CHL1: variants seen among roughly 807,000 people sequenced by gnomAD.
The protein encoded by CHL1 is cell adhesion molecule L1 like.
In CHL1, 96 loss-of-function variants were observed where a neutral mutation model predicts 141.9. The observed-to-expected ratio is 0.68, with a 90% confidence interval of 0.57 to 0.80. The LOEUF is 0.80. Among genes scored for constraint, CHL1 ranks in the 30% least tolerant of loss-of-function variants. The probability of loss-of-function intolerance (pLI) is 0.00; values close to 1 mark genes in which losing one functional copy is unlikely to be tolerated. For synonymous variants in CHL1, 613 were observed against 502.2 expected, an observed-to-expected ratio of 1.22 and a Z score of -2.95; for missense variants, 1,820 against 1,457.2, an observed-to-expected ratio of 1.25 and a Z score of -4.05.
At chr3:334,842 A>G (rs1354474177) in intron 5 of CHL1, among the ~76,000 whole-genome samples, 3 of 152,170 alleles carry the variant, frequency 2.0e-5, no homozygotes, top group Non-Finnish European at 4.4e-5. Context: ...TATCAGACAG[A>G]CTGTCATATC....
chr3:302,835 T>C (rs1277269015), intron 2 of CHL1, among the ~76,000 whole-genome samples: 1 of 152,208 alleles, frequency 6.6e-6, no homozygotes, highest in African/African-American at 2.4e-5. Context: ...ATGTTCTGAA[T>C]GGTATTGCCC....
At chr3:319,991 C>A (rs1192853747) in intron 3 of CHL1, 124 bp downstream of exon 3, 7 of 601,180 alleles carry the variant, frequency 1.2e-5, no homozygotes, top group Non-Finnish European at 1.7e-5. Context: ...CTTTAGCAAT[C>A]TGTCATGAGA....
chr3:361,504 T>C (rs374640715), intron 12 of CHL1, among the ~76,000 whole-genome samples, 195 bp from the exon 13 acceptor site: 1 of 152,066 alleles, frequency 6.6e-6, no homozygotes, highest in Admixed American at 6.6e-5. Context: ...GAATCTACAA[T>C]GAACTCAAAC....
intron 2 of CHL1, among the ~76,000 whole-genome samples, chr3:309,509 T>C: frequency 6.6e-6 from 1 of 151,164 alleles, no homozygotes; most frequent in East Asian, 1.9e-4. Context: ...CTCCTTCCTC[T>C]TCCTTCCTTC....
chr3:328,613 A>G (rs917395256), intron 5 of CHL1, among the ~76,000 whole-genome samples: 3 of 152,148 alleles, frequency 2.0e-5, no homozygotes, highest in Non-Finnish European at 4.4e-5. Flanking sequence ...GCCTTATAAG[A>G]TGAGAATTAA....
chr3:376,848 G>A (rs536920030), intron 15 of CHL1, among the ~76,000 whole-genome samples: 1 of 152,138 alleles, frequency 6.6e-6, no homozygotes, highest in South Asian at 2.1e-4. Flanking sequence ...AGGTAATATT[G>A]GTTGGCAAAT....
intron 15 of CHL1, among the ~76,000 whole-genome samples, chr3:368,439 G>A (rs1705186106): frequency 6.6e-6 from 1 of 151,980 alleles, no homozygotes; most frequent in South Asian, 2.1e-4. Flanking sequence ...ATGTTTGATG[G>A]GGTTGTTTGT....
chr3:221,185 A>G (rs1019976162), intron 1 of CHL1, among the ~76,000 whole-genome samples: 1 of 152,246 alleles, frequency 6.6e-6, no homozygotes, highest in Non-Finnish European at 1.5e-5. Flanking sequence ...TAAAATGGAT[A>G]AAACCAAGCT....
chr3:383,746 A>T, intron 18 of CHL1, 70 bp from the exon 19 acceptor site: 1 of 966,200 alleles, frequency 1.0e-6, no homozygotes, highest in Non-Finnish European at 1.6e-6. Context: ...TTTGGGGGGC[A>T]GGAGTTGTGA....
rs1709574193 is a variant in CHL1 at position 407,057 on chromosome 3, TG to T, written c.*1348del. 1 of 152,154 alleles carries T rather than the reference TG, an allele frequency of 6.6e-6. No homozygotes were observed. The highest frequency in any genetic ancestry group is 6.6e-5 in the Admixed American group (1 of 15,254). 9.4% of individuals were successfully genotyped at this position (152,154 alleles called of 1,614,324 possible). Reference sequence around the variant, plus strand: ...GAACAAATTCAGGGAATTTATTTTCTGGCAGTTGTGCTCCAGTCCTTTTAAA... The same window carrying T: ...GAACAAATTCAGGGAATTTATTTTCTGCAGTTGTGCTCCAGTCCTTTTAAA... On this transcript the variant is annotated 3_prime_UTR_variant, in exon 28 of 28. Coordinates refer to ENST00000256509, the MANE Select transcript of CHL1 (RefSeq NM_006614.4).
chr3:287,928 G>C (rs1354165020), intron 2 of CHL1, among the ~76,000 whole-genome samples: 1 of 140,020 alleles, frequency 7.1e-6, no homozygotes, highest in Non-Finnish European at 1.6e-5. Flanking sequence ...ATCACGCCAG[G>C]CTAAGTTTTT....
At chr3:358,301 G>T (rs1054049589) in intron 11 of CHL1, among the ~76,000 whole-genome samples, 3 of 152,042 alleles carry the variant, frequency 2.0e-5, no homozygotes, top group Admixed American at 6.6e-5. Context: ...GCATCTCTCT[G>T]ACCATCCTTC....
At chr3:378,023 T>C in intron 16 of CHL1, 81 bp downstream of exon 16, 7 of 1,278,340 alleles carry the variant, frequency 5.5e-6, no homozygotes, top group Non-Finnish European at 7.4e-6. Flanking sequence ...ATAAAGCTAA[T>C]GATTCTTTGA....
intron 10 of CHL1, among the ~76,000 whole-genome samples, chr3:353,393 A>G (rs574690484): frequency 2.7e-4 from 41 of 152,300 alleles, no homozygotes; most frequent in African/African-American, 9.6e-4. Context: ...TGCAAAATAG[A>G]CAAAAATAAA....
chr3:332,483 T>C (rs1701517721), intron 5 of CHL1, among the ~76,000 whole-genome samples: 1 of 152,140 alleles, frequency 6.6e-6, no homozygotes, highest in African/African-American at 2.4e-5. Flanking sequence ...GTAAAATGGG[T>C]AGTAAGTGAA....
chr3:266,178 G>T (rs1457077902), intron 2 of CHL1, among the ~76,000 whole-genome samples: 4 of 152,152 alleles, frequency 2.6e-5, no homozygotes, highest in Non-Finnish European at 5.9e-5. Flanking sequence ...TTCAGGACTT[G>T]GTCCTATAGC....
At chr3:297,724 C>T (rs1190159094) in intron 2 of CHL1, among the ~76,000 whole-genome samples, 1 of 152,120 alleles carries the variant, frequency 6.6e-6, no homozygotes, top group East Asian at 1.9e-4. Flanking sequence ...GCTTTGTATC[C>T]CATGGAGATG....
intron 9 of CHL1, among the ~76,000 whole-genome samples, chr3:347,616 A>G (rs1427691985): frequency 6.6e-6 from 1 of 152,230 alleles, no homozygotes; most frequent in Non-Finnish European, 1.5e-5. Context: ...TACTTGCTCT[A>G]ATAAAGGATG....
intron 21 of CHL1, 43 bp from the exon 22 acceptor site, chr3:390,912 C>T (rs758075088): frequency 3.1e-5 from 49 of 1,558,832 alleles, no homozygotes; most frequent in African/African-American, 5.4e-5. Context: ...AGAGAATCTG[C>T]GACCACAATG....
Sources: allele counts gnomAD v4.1 joint callset (sites outside exome capture counted in the v4.1 genomes callset), GRCh38; gene constraint gnomAD v4.1.1; transcripts MANE v1.5; gene names NCBI Gene and HGNC (gene_info 2026-07-23, HGNC 2026-07-21).